The following ZCCHC2 variants were observed in gnomAD, a reference collection of about 807,000 sequenced individuals.
The protein encoded by ZCCHC2 is zinc finger CCHC-type containing 2, also known as zinc finger CCHC domain-containing protein 2.
ZCCHC2 carries 39 observed loss-of-function variants against 103.6 expected under a neutral mutation model. The ratio of observed to expected loss-of-function variants is 0.38; its 90% CI spans 0.29 to 0.49. The LOEUF is 0.49. ZCCHC2 is among the 20% of genes least tolerant of loss of function. The pLI is 0.96. For missense variants in ZCCHC2, 1,483 were observed against 1,491.0 expected (o/e 0.99, Z 0.09); for synonymous variants, 687 against 608.9 (o/e 1.13, Z -1.89).
chr18:62,524,124 G>C lies in ZCCHC2; in HGVS notation c.700G>C (p.Asp234His). 1 of 1,532,854 alleles carries C rather than the reference G, an allele frequency of 6.5e-7. No homozygotes were observed. The highest frequency in any genetic ancestry group is 1.4e-5 in the African/African-American group (1 of 70,808). 95.0% of individuals were successfully genotyped at this position (1,532,854 alleles called of 1,614,324 possible). A position where few individuals can be genotyped will look rare whatever the true frequency, so the allele number is the denominator to read the frequency against. ...CGACGGCGAGCAGGACGCCGAGAAG[G>C]ACGGCTCAGGCCCGGAAGGCGGCAT... ...DGDGEQDAEK[D>H]GSGPEGGIVE... is the part of the protein sequence containing the mutation. Residue 234 changes from aspartate to histidine, a missense_variant, in exon 1 of 14, where the codon GAC becomes CAC. Transcript: ENST00000269499.
chr18:62,575,913 C>G (rs1916823499), intron 13 of ZCCHC2, among the ~76,000 whole-genome samples: 1 of 150,982 alleles, frequency 6.6e-6, no homozygotes, highest in Non-Finnish European at 1.5e-5. Flanking sequence ...TATTGAAAAC[C>G]TAGGAAGTAA....
intron 7 of ZCCHC2, among the ~76,000 whole-genome samples, chr18:62,560,182 A>C (rs899112275): frequency 1.3e-5 from 2 of 152,202 alleles, no homozygotes. Flanking sequence ...TCTGTTTCTT[A>C]AAAGAGGCAA....
downstream of ZCCHC2, among the ~76,000 whole-genome samples, chr18:62,580,023 G>A (rs1598972553): frequency 1.3e-5 from 2 of 152,202 alleles, no homozygotes; most frequent in South Asian, 2.1e-4. Context: ...TAGCCACTGC[G>A]CCCGGCCTTC....
In ZCCHC2 at chr18:62,524,205, C is replaced by A; in HGVS notation, c.781C>A (p.Leu261Met). The A allele has an allele frequency of 6.5e-7, 1 of 1,549,908 alleles. No homozygotes were observed. The highest frequency in any genetic ancestry group is 8.7e-7 in the Non-Finnish European group (1 of 1,146,648). Residue 261 changes from leucine to methionine, a missense_variant, in exon 1 of 14, where the codon CTG becomes ATG. Around this residue, in one of 3 missense-constraint regions of ZCCHC2, gnomAD observed 568 missense variants for 525.1 expected, o/e 1.08. Coordinates refer to ENST00000269499, the MANE Select transcript of ZCCHC2 (RefSeq NM_017742.6). ...LGSRAQEELL[L>M]LFTMASLHPA... ...CTCCAGGGCCCAGGAGGAACTGCTG[C>A]TGCTCTTCACCATGGCCTCGCTGCA...
Position 62,523,376 on chromosome 18 carries a change from G to GC in ZCCHC2, c.-45dup. 3 of 1,012,342 alleles carry GC rather than the reference G, an allele frequency of 3.0e-6. No homozygotes were observed. Among genetic ancestry groups the GC allele is most frequent in the Non-Finnish European group, 3.5e-6 (3 of 848,986 alleles). The allele number at this position is 1,012,342 out of a possible 1,614,324, so 62.7% of individuals were successfully genotyped here. On this transcript the variant is annotated 5_prime_UTR_variant, in exon 1 of 14. Transcript: ENST00000269499. ...GCCTCGGCCCGTGCTCCACCTCGCG[G>GC]CCCCTCCCGCCCGCCCCCGCTCGCA...
chr18:62,573,914 GGGAGGTCAGCTT>G, intron 12 of ZCCHC2, 131 bp from the exon 13 acceptor site: 1 of 794,744 alleles, frequency 1.3e-6, no homozygotes, highest in Non-Finnish European at 2.0e-6. Flanking sequence ...GAAAGTTAAA[GGGAGGTCAGCTT>G]GGACAGTCAG....
chr18:62,557,180 T>C (rs1039394974), intron 6 of ZCCHC2, among the ~76,000 whole-genome samples: 3 of 152,370 alleles, frequency 2.0e-5, no homozygotes, highest in Admixed American at 2.0e-4. Flanking sequence ...CTTTCACCAC[T>C]GTCTGCCTTG....
chr18:62,570,317 C>T, intron 12 of ZCCHC2, 86 bp downstream of exon 12: 1 of 1,497,986 alleles, frequency 6.7e-7, no homozygotes, highest in Non-Finnish European at 9.0e-7. Flanking sequence ...ATGTCAAAGT[C>T]AAACAAGGAA....
rs1282529819 is a variant in ZCCHC2, at chr18:62,563,029, C to T, written c.1571C>T (p.Ser524Phe). 2 of 1,612,008 alleles carry T rather than the reference C, an allele frequency of 1.2e-6. No individual in the cohort carries two copies. Residue 524 changes from serine to phenylalanine, a missense_variant, in exon 9 of 14, where the codon TCT (serine) becomes TTT (phenylalanine). By Grantham distance (155) the Ser-to-Phe change is radical. Transcript: ENST00000269499. ...GGTAGCAATATTGGTACAAGTTGTTCTCCATTGGATGGGCTTACCATGCAA... is the reference window on the plus strand; with the variant it reads ...GGTAGCAATATTGGTACAAGTTGTTTTCCATTGGATGGGCTTACCATGCAA... The part of the protein sequence containing the change: ...PIVNNIGTSC[S>F]PLDGLTMQYS...
intron 12 of ZCCHC2, among the ~76,000 whole-genome samples, chr18:62,571,325 T>C (rs974924652): frequency 2.1e-4 from 32 of 152,162 alleles, no homozygotes; most frequent in Non-Finnish European, 2.2e-4. Flanking sequence ...TTTGCACTGA[T>C]TTCAGAAAGT....
chr18:62,574,756 T>A lies in ZCCHC2; in HGVS notation c.2675T>A (p.Val892Asp), dbSNP rs1209580265. The change falls in exon 13 of 14, where the codon GTC becomes GAC. Residue 892 changes from valine (V) to aspartate (D), a missense_variant. Around this residue, in one of 3 missense-constraint regions of ZCCHC2, gnomAD observed 884 missense variants for 907.5 expected, o/e 0.97. Transcript: ENST00000269499. ...VPQIEGNTGT[V>D]PQPTNVKVVL... ...CAAATTGAGGGAAACACAGGGACAG[T>A]CCCTCAGCCTACCAATGTGAAGGTA... 7 of 1,613,926 alleles carry A rather than the reference T, an allele frequency of 4.3e-6. No homozygotes were observed. Among genetic ancestry groups the A allele is most frequent in the Non-Finnish European group, 5.9e-6 (7 of 1,179,868 alleles).
intron 6 of ZCCHC2, among the ~76,000 whole-genome samples, chr18:62,557,529 T>G (rs528270366): frequency 6.6e-6 from 1 of 152,352 alleles, no homozygotes; most frequent in South Asian, 2.1e-4. Context: ...TCTTTGTGAT[T>G]AGTTGACCAA....
intron 4 of ZCCHC2, among the ~76,000 whole-genome samples, chr18:62,547,895 GTC>G: frequency 1.3e-5 from 2 of 152,116 alleles, no homozygotes; most frequent in African/African-American, 4.8e-5. Flanking sequence ...AATTACAGCT[GTC>G]ATTTCTCATG....
Position 62,576,539 on chromosome 18 carries a change from C to T in ZCCHC2, c.3497C>T (p.Pro1166Leu). The T allele has an allele frequency of 6.2e-7, 1 of 1,613,682 alleles. No homozygotes were observed. Among genetic ancestry groups the T allele is most frequent in the South Asian group, 1.1e-5 (1 of 91,038 alleles). ...QGTYRLRYAPPLPPSNDTLDS... is the reference protein window; with the variant it reads ...QGTYRLRYAPLLPPSNDTLDS... ...ACTTACAGACTGAGATACGCACCTC[C>T]CCTCCCCCCTTCTAATGATACGTTG... The change falls in exon 14 of 14, where the codon CCC becomes CTC. Residue 1166 changes from proline to leucine, a missense_variant. This residue lies in a region of ZCCHC2 where 884 missense variants were observed against 907.5 expected (regional missense o/e 0.97). Transcript: ENST00000269499.
At chr18:62,549,337 A>C (rs572005394) in intron 4 of ZCCHC2, among the ~76,000 whole-genome samples, 1 of 152,264 alleles carries the variant, frequency 6.6e-6, no homozygotes, top group Non-Finnish European at 1.5e-5. Flanking sequence ...TCATTCTGAC[A>C]GAGCATCTTG....
At chr18:62,545,018 G>A in intron 4 of ZCCHC2, 145 bp downstream of exon 4, 1 of 607,942 alleles carries the variant, frequency 1.6e-6, no homozygotes, top group Middle Eastern at 4.5e-4. Context: ...TGTGGAAAAC[G>A]TCATGTTATT....
intron 4 of ZCCHC2, among the ~76,000 whole-genome samples, chr18:62,549,094 G>A (rs563873672): frequency 8.6e-5 from 13 of 151,404 alleles, no homozygotes; most frequent in African/African-American, 2.2e-4. Context: ...GGGCGGGTGC[G>A]TGTAGTCCCA....
chr18:62,537,360 T>C (rs1914975436), intron 1 of ZCCHC2, among the ~76,000 whole-genome samples: 1 of 152,142 alleles, frequency 6.6e-6, no homozygotes, highest in African/African-American at 2.4e-5. Context: ...TTTGTAGCGA[T>C]AGGATCGTGC....
At chr18:62,532,943 A>C (rs1914753496) in intron 1 of ZCCHC2, among the ~76,000 whole-genome samples, 1 of 152,132 alleles carries the variant, frequency 6.6e-6, no homozygotes, top group Non-Finnish European at 1.5e-5. Context: ...AGGCGGAGGC[A>C]GGAGGATCAC....
Sources: gnomAD v4.1 joint callset for allele counts (sites outside exome capture counted in the v4.1 genomes callset) on GRCh38, gnomAD v4.1.1 for gene constraint, gnomAD v4.1.1 regional missense constraint, MANE v1.5 for transcripts, NCBI Gene and HGNC (gene_info 2026-07-23, HGNC 2026-07-21) for gene names.